Variants in HAPLN1 observed in about 807,000 individuals in gnomAD.
HAPLN1 encodes the protein hyaluronan and proteoglycan link protein 1.
HAPLN1 carries 13 observed loss-of-function variants against 36.5 expected under a neutral mutation model. The ratio of observed to expected loss-of-function variants is 0.36; its 90% confidence interval spans 0.23 to 0.57. The LOEUF (loss-of-function observed/expected upper bound fraction) is 0.57. HAPLN1 is among the 20% of genes least tolerant of loss of function. HAPLN1 has a pLI of 0.83. For missense variants in HAPLN1, 407 were observed against 439.7 expected, an observed-to-expected ratio of 0.93 and a Z score of 0.66; for synonymous variants, 202 against 169.8, an observed-to-expected ratio of 1.19 and a Z score of -1.48.
At chr5:83,692,742 T>C (rs563730981) in intron 1 of HAPLN1, among the ~76,000 whole-genome samples, 10 of 152,054 alleles carry the variant, frequency 6.6e-5, no homozygotes, top group African/African-American at 2.4e-4. Flanking sequence ...TATGTAAATG[T>C]TTTTCAAAGA....
chr5:83,649,051 A>G (rs960769913), intron 3 of HAPLN1, among the ~76,000 whole-genome samples: 1 of 152,210 alleles, frequency 6.6e-6, no homozygotes, highest in Non-Finnish European at 1.5e-5. Flanking sequence ...CTTACTCTGA[A>G]GTATATTTAG....
intron 2 of HAPLN1, among the ~76,000 whole-genome samples, chr5:83,653,880 T>C (rs190933396): frequency 6.6e-6 from 1 of 152,366 alleles, no homozygotes; most frequent in Non-Finnish European, 1.5e-5. Context: ...ATGTGCAAGA[T>C]ATGAAAATGA....
chr5:83,664,673 G>C (rs1750505611), intron 2 of HAPLN1, among the ~76,000 whole-genome samples: 1 of 152,006 alleles, frequency 6.6e-6, no homozygotes, highest in Non-Finnish European at 1.5e-5. Context: ...GTGAGCCACT[G>C]TGTCTTCCAA....
intron 2 of HAPLN1, among the ~76,000 whole-genome samples, chr5:83,665,828 T>C (rs1750536119): frequency 1.3e-5 from 2 of 152,164 alleles, no homozygotes. Flanking sequence ...TCCACACACC[T>C]TAGACATGGT....
intron 1 of HAPLN1, among the ~76,000 whole-genome samples, chr5:83,711,208 A>G (rs6868389): frequency 0.29 from 44,001 of 152,040 alleles, 6,788 homozygotes; most frequent in East Asian, 0.41. Flanking sequence ...GGTGGCTTCT[A>G]TTTTCCATGT....
chr5:83,664,812 C>T (rs1750510526), intron 2 of HAPLN1, among the ~76,000 whole-genome samples: 1 of 152,124 alleles, frequency 6.6e-6, no homozygotes, highest in South Asian at 2.1e-4. Context: ...TTAGAACACA[C>T]TTTGATTTTA....
At chr5:83,703,545 A>G (rs886826818) in intron 1 of HAPLN1, 1 of 152,142 alleles carries the variant, frequency 6.6e-6, no homozygotes, top group Non-Finnish European at 1.5e-5. Flanking sequence ...CATATTTTTC[A>G]TAAGTATTAT....
At chr5:83,644,087 CAGACCTCA>C (rs1749782014) in intron 4 of HAPLN1, among the ~76,000 whole-genome samples, 1 of 152,160 alleles carries the variant, frequency 6.6e-6, no homozygotes, top group Admixed American at 6.5e-5. Context: ...CAATAGGTAA[CAGACCTCA>C]AGCCACATAA....
chr5:83,694,144 T>C (rs1031092064), intron 1 of HAPLN1, among the ~76,000 whole-genome samples: 34 of 152,060 alleles, frequency 2.2e-4, no homozygotes, highest in African/African-American at 8.2e-4. Context: ...CAAAAAGATA[T>C]GTGGAATACT....
chr5:83,646,017 G>A (rs11950747), intron 3 of HAPLN1, among the ~76,000 whole-genome samples: 8,964 of 152,166 alleles, frequency 0.059, 754 homozygotes, highest in African/African-American at 0.19. Context: ...GTGTGACTTC[G>A]TATTTGATTT....
chr5:83,644,168 ACTT>A, intron 4 of HAPLN1, among the ~76,000 whole-genome samples, 192 bp downstream of exon 4: 2 of 152,338 alleles, frequency 1.3e-5, no homozygotes, highest in South Asian at 4.1e-4. Context: ...GGGAATATGT[ACTT>A]TTGCTTGACT....
At chr5:83,683,291 G>A (rs1751048122) in intron 1 of HAPLN1, among the ~76,000 whole-genome samples, 1 of 152,118 alleles carries the variant, frequency 6.6e-6, no homozygotes, top group South Asian at 2.1e-4. Flanking sequence ...CCAGTATAAA[G>A]TTCCCCAAGG....
At chr5:83,675,341 TGGA>T (rs1561312477) in intron 1 of HAPLN1, 1 of 151,988 alleles carries the variant, frequency 6.6e-6, no homozygotes, top group Non-Finnish European at 1.5e-5. Context: ...AGGGGCGCTG[TGGA>T]GGAGAGAGTA....
intron 3 of HAPLN1, among the ~76,000 whole-genome samples, chr5:83,645,408 A>T (rs1190526608): frequency 6.6e-6 from 1 of 151,924 alleles, no homozygotes; most frequent in Non-Finnish European, 1.5e-5. Context: ...ATGCAGCCCA[A>T]CAAAAATCTG....
At chr5:83,700,635 C>G (rs951134944) in intron 1 of HAPLN1, among the ~76,000 whole-genome samples, 1 of 149,406 alleles carries the variant, frequency 6.7e-6, no homozygotes, top group African/African-American at 2.5e-5. Flanking sequence ...GTCTCAAACT[C>G]TCCTTTCAAA....
chr5:83,643,376 G>A (rs1408866831), intron 4 of HAPLN1, among the ~76,000 whole-genome samples: 4 of 124,732 alleles, frequency 3.2e-5, no homozygotes, highest in African/African-American at 1.2e-4. Context: ...AAAAAAAAAA[G>A]ATTATTGACC....
chr5:83,677,634 G>T (rs1039087597), intron 1 of HAPLN1, among the ~76,000 whole-genome samples: 1 of 152,150 alleles, frequency 6.6e-6, no homozygotes, highest in Non-Finnish European at 1.5e-5. Context: ...AGGAAGAAAA[G>T]TGAGCTCTAT....
intron 2 of HAPLN1, among the ~76,000 whole-genome samples, chr5:83,668,481 G>T (rs1175535933): frequency 2.6e-5 from 4 of 152,156 alleles, no homozygotes; most frequent in Non-Finnish European, 5.9e-5. Context: ...CTAGACAATC[G>T]CTACCAAAGT....
intron 2 of HAPLN1, among the ~76,000 whole-genome samples, chr5:83,669,623 T>C (rs1332611853): frequency 6.6e-6 from 1 of 152,254 alleles, no homozygotes; most frequent in African/African-American, 2.4e-5. Context: ...AAGGTGATGA[T>C]ATGTTCTGTT....
Sources: gnomAD v4.1 joint callset for allele counts (sites outside exome capture counted in the v4.1 genomes callset) on GRCh38, gnomAD v4.1.1 for gene constraint, MANE v1.5 for transcripts, NCBI Gene and HGNC (gene_info 2026-07-23, HGNC 2026-07-21) for gene names.